Variants in PARD3 observed in about 807,000 individuals in gnomAD.
PARD3 encodes the protein partitioning defective 3 homolog.
Under a neutral mutation model 155.4 loss-of-function variants are expected in PARD3, and 75 were observed. The ratio of observed to expected loss-of-function variants is 0.48; its 90% CI spans 0.40 to 0.58. The LOEUF is 0.58. PARD3 is among the 20% of genes least tolerant of loss of function. PARD3 has a pLI of 0.00. For missense variants in PARD3, 1,642 were observed against 1,721.7 expected (o/e 0.95, Z 0.82); for synonymous variants, 576 against 610.5 (o/e 0.94, Z 0.83).
chr10:34,268,047 C>T (rs1264863624), intron 22 of PARD3, among the ~76,000 whole-genome samples: 2 of 152,136 alleles, frequency 1.3e-5, no homozygotes, highest in African/African-American at 2.4e-5. Flanking sequence ...TCATTTATGA[C>T]AATAACATGC....
chr10:34,516,109 CAA>C (rs1264012918), intron 3 of PARD3, among the ~76,000 whole-genome samples: 8 of 152,060 alleles, frequency 5.3e-5, no homozygotes, highest in African/African-American at 1.4e-4. Flanking sequence ...GGATTACAGG[CAA>C]CCGCCACCAC....
chr10:34,384,317 C>T, intron 7 of PARD3, 63 bp from the exon 8 acceptor site: 2 of 1,389,580 alleles, frequency 1.4e-6, no homozygotes, highest in Non-Finnish European at 9.9e-7. Flanking sequence ...ACTGCCTTAC[C>T]ACTTTAATGC....
At chr10:34,792,049 C>T (rs1413187189) in intron 1 of PARD3, among the ~76,000 whole-genome samples, 1 of 152,158 alleles carries the variant, frequency 6.6e-6, no homozygotes, top group East Asian at 1.9e-4. Flanking sequence ...ACGTGCTCGC[C>T]TCGTGACATG....
chr10:34,481,756 T>C (rs966597293), intron 3 of PARD3, among the ~76,000 whole-genome samples: 7 of 152,124 alleles, frequency 4.6e-5, no homozygotes, highest in African/African-American at 1.2e-4. Context: ...CTAATAAATA[T>C]GGGGCCAAGA....
In PARD3 at chr10:34,694,359, T is replaced by G. The variant is rs144451670; in HGVS notation, c.222+1959A>C. 8.7e-3 allele frequency among the ~76,000 whole-genome samples: 1,322 copies of G among 151,630 alleles called. 13 individuals carry two copies. Among genetic ancestry groups the G allele is most frequent in the Non-Finnish European group, 0.015 (1,017 of 67,964 alleles). On this transcript the variant is annotated intron_variant, in intron 2 of 24. Transcript: ENST00000374788. ...GAAAGATGGTACTCTTCATGTGGAC[T>G]GCAGAAAAGGATTTCAGAGTTACCC...
rs919902723 is a variant in PARD3 at position 34,192,262 on chromosome 10, T to C, written c.3420-60679A>G. ...CTTGTTTGTGGGTTTTGTTTGTTTG[T>C]TTTTGTTTTGTTTTGGGTAGAGACA... On this transcript the variant is annotated intron_variant, in intron 22 of 24. Transcript: ENST00000374788. Among the ~76,000 whole-genome samples the C allele has an allele frequency of 1.9e-4, 29 of 151,988 alleles. 1 individual carries two copies. The highest frequency in any genetic ancestry group is 3.5e-4 in the Non-Finnish European group (24 of 67,986).
chr10:34,302,897 A>G (rs980093738), intron 20 of PARD3, among the ~76,000 whole-genome samples: 1 of 152,104 alleles, frequency 6.6e-6, no homozygotes, highest in African/African-American at 2.4e-5. Context: ...CTGGAGCAGG[A>G]CCTACTTACT....
At position 34,317,169 on chromosome 10, in the gene PARD3, A is replaced by C. The variant is rs1958059987; in HGVS notation, c.3003T>G (p.Asp1001Glu). The C allele has an allele frequency of 6.2e-7, 1 of 1,602,934 alleles. No homozygotes were observed. Among genetic ancestry groups the C allele is most frequent in the Non-Finnish European group, 8.5e-7 (1 of 1,174,138 alleles). ...TGGCTTTCATTTTATCCTTCTCCTT[A>C]TCTCTATCTTTCTTCTTTTCTTTTC... Reference protein sequence around the residue: ...KTGKEKKKDRDKEKDKMKAKK... With the variant: ...KTGKEKKKDREKEKDKMKAKK... Residue 1001 changes from aspartate to glutamate, a missense_variant, in exon 20 of 25, where the codon GAT becomes GAG. Coordinates refer to ENST00000374788, the MANE Select transcript of PARD3 (RefSeq NM_001184785.2).
At chr10:34,745,388 A>C (rs1218920426) in intron 1 of PARD3, among the ~76,000 whole-genome samples, 1 of 151,262 alleles carries the variant, frequency 6.6e-6, no homozygotes, top group African/African-American at 2.4e-5. Context: ...GAAAGGAAGT[A>C]AAAGGAAGGA....
chr10:34,810,392 G>A (rs76167870), intron 1 of PARD3, among the ~76,000 whole-genome samples: 241 of 152,148 alleles, frequency 1.6e-3, no homozygotes, highest in African/African-American at 5.5e-3. Context: ...TACTTGTGTG[G>A]TCCCAAGTAT....
At chr10:34,597,876 T>G (rs2134440261) in intron 2 of PARD3, among the ~76,000 whole-genome samples, 2 of 152,296 alleles carry the variant, frequency 1.3e-5, no homozygotes, top group South Asian at 4.1e-4. Context: ...GCCTTAAATA[T>G]CTGCTGTTGA....
intron 1 of PARD3, among the ~76,000 whole-genome samples, chr10:34,795,729 T>C (rs1438786577): frequency 6.6e-6 from 1 of 152,048 alleles, no homozygotes; most frequent in Non-Finnish European, 1.5e-5. Flanking sequence ...ACTCCATCTC[T>C]GCTAAAAATA....
intron 22 of PARD3, among the ~76,000 whole-genome samples, chr10:34,264,623 G>A (rs968862328): frequency 8.5e-5 from 13 of 152,082 alleles, no homozygotes; most frequent in African/African-American, 3.1e-4. Context: ...AGCTTTATAG[G>A]AAGTCCCCAC....
intron 1 of PARD3, among the ~76,000 whole-genome samples, chr10:34,718,176 T>C (rs2094550254): frequency 6.6e-6 from 1 of 151,258 alleles, no homozygotes; most frequent in Non-Finnish European, 1.5e-5. Flanking sequence ...AAAATCAATT[T>C]TGGGAGGCAA....
chr10:34,415,474 T>C (rs1297019744), intron 5 of PARD3, among the ~76,000 whole-genome samples: 1 of 152,266 alleles, frequency 6.6e-6, no homozygotes. Flanking sequence ...CTTTTATATG[T>C]ATTGTTTTAC....
At chr10:34,423,012 G>A (rs570182021) in intron 5 of PARD3, among the ~76,000 whole-genome samples, 5 of 152,176 alleles carry the variant, frequency 3.3e-5, no homozygotes, top group South Asian at 4.1e-4. Flanking sequence ...TTACATTAGC[G>A]AAGACATGGA....
At chr10:34,518,952 T>TCAAG (rs1226554201) in intron 2 of PARD3, among the ~76,000 whole-genome samples, 2 of 152,192 alleles carry the variant, frequency 1.3e-5, no homozygotes, top group African/African-American at 4.8e-5. Flanking sequence ...TGCAGCAATA[T>TCAAG]CAAGTACCAT....
At chr10:34,451,693 A>C (rs2077066179) in intron 4 of PARD3, among the ~76,000 whole-genome samples, 1 of 152,118 alleles carries the variant, frequency 6.6e-6, no homozygotes, top group African/African-American at 2.4e-5. Flanking sequence ...TTTGACATGA[A>C]ACTTCATAAA....
chr10:34,120,107 C>T (rs1037928737), intron 23 of PARD3, among the ~76,000 whole-genome samples: 1 of 143,416 alleles, frequency 7.0e-6, no homozygotes, highest in Non-Finnish European at 1.5e-5. Context: ...GCCTTGAACT[C>T]CTGGGTTCAA....
Sources: allele counts gnomAD v4.1 joint callset (sites outside exome capture counted in the v4.1 genomes callset), GRCh38; gene constraint gnomAD v4.1.1; transcripts MANE v1.5; gene names NCBI Gene and HGNC (gene_info 2026-07-23, HGNC 2026-07-21).